The following SLC30A2 variants were observed in gnomAD, a reference collection of about 807,000 sequenced individuals.
SLC30A2 encodes the protein proton-coupled zinc antiporter SLC30A2.
A neutral mutation model predicts 39.6 loss-of-function variants in SLC30A2; 19 were observed. That is an observed-to-expected ratio of 0.48 (90% CI 0.34 to 0.70). The LOEUF (loss-of-function observed/expected upper bound fraction) is 0.70. Ranked by LOEUF, SLC30A2 falls within the 30% of genes least tolerant of loss-of-function variation. The pLI, the probability that SLC30A2 is intolerant of heterozygous loss-of-function variation, is 0.01. For missense variants in SLC30A2, 387 were observed against 479.4 expected, an observed-to-expected ratio of 0.81 and a Z score of 1.80; for synonymous variants, 195 against 194.8, an observed-to-expected ratio of 1.00 and a Z score of -0.01.
chr1:26,045,765 A>G (rs1005047291), intron 1 of SLC30A2, 82 bp downstream of exon 1: 3 of 1,609,408 alleles, frequency 1.9e-6, no homozygotes, highest in Admixed American at 3.4e-5. Flanking sequence ...CGCAGCCAAA[A>G]CCAACCACTG....
At position 26,043,564 on chromosome 1, in the gene SLC30A2, C is replaced by A; in HGVS notation, c.419-13G>T. ...GCTCCCAAGATCTCTGAGGAAGAAC[C>A]CAACCCCAACACCCACCTTGGCATG... On this transcript the variant is annotated splice_polypyrimidine_tract_variant and intron_variant, in intron 3 of 7. Coordinates refer to ENST00000374276, the MANE Select transcript of SLC30A2 (RefSeq NM_001004434.3). 1 of 1,611,940 alleles carries A rather than the reference C, an allele frequency of 6.2e-7. No individual in the cohort carries two copies. Among genetic ancestry groups the A allele is most frequent in the Admixed American group, 1.7e-5 (1 of 59,880 alleles).
rs1360833641 is a variant in SLC30A2 at position 26,042,679 on chromosome 1, T to C, written c.602A>G (p.His201Arg). Reference protein sequence around the residue: ...IMGLTLHQSGHGHSHGTTNQQ... With the variant: ...IMGLTLHQSGRGHSHGTTNQQ... Reference sequence around the variant, plus strand: ...GTTGGTGGTGCCGTGGCTGTGCCCATGGCCAGACTGGTGAAGGGTCAACCC... The same window carrying C: ...GTTGGTGGTGCCGTGGCTGTGCCCACGGCCAGACTGGTGAAGGGTCAACCC... The change falls in exon 5 of 8, where the codon CAT (histidine) becomes CGT (arginine). Residue 201 changes from histidine (H) to arginine (R), a missense_variant. Coordinates refer to ENST00000374276, the MANE Select transcript of SLC30A2 (RefSeq NM_001004434.3). 1.2e-6 allele frequency: 2 copies of C among 1,614,104 alleles called. No homozygotes were observed. Among genetic ancestry groups the C allele is most frequent in the Non-Finnish European group, 1.7e-6 (2 of 1,180,006 alleles).
chr1:26,044,456 A>G lies in SLC30A2; in HGVS notation c.272-12T>C. 1 of 1,612,144 alleles carries G rather than the reference A, an allele frequency of 6.2e-7. No individual in the cohort carries two copies. The highest frequency in any genetic ancestry group is 8.5e-7 in the Non-Finnish European group (1 of 1,179,350). On this transcript the variant is annotated splice_polypyrimidine_tract_variant and intron_variant, in intron 2 of 7. Coordinates refer to ENST00000374276, the MANE Select transcript of SLC30A2 (RefSeq NM_001004434.3). ...TGCCAGGTACCCACCTGCAGGGTGG[A>G]GGGTCCTTATCAGCTCCCCCAGAGA...
chr1:26,042,163 A>G (rs2050405064), intron 5 of SLC30A2, among the ~76,000 whole-genome samples: 1 of 152,230 alleles, frequency 6.6e-6, no homozygotes, highest in Non-Finnish European at 1.5e-5. Context: ...TCACATGGCT[A>G]GCAAGGAGGA....
In SLC30A2 at chr1:26,041,695, G is replaced by GA; in HGVS notation, c.838+4_838+5insT. On this transcript the variant is annotated splice_donor_region_variant and intron_variant, in intron 6 of 7. Coordinates refer to ENST00000374276, the MANE Select transcript of SLC30A2 (RefSeq NM_001004434.3). Reference sequence around the variant, plus strand: ...GCAAAAAGGGAGCCACAAAGCCCAGGTTACCTTCCATCAACACCAGGATCA... The same window carrying GA: ...GCAAAAAGGGAGCCACAAAGCCCAGGATTACCTTCCATCAACACCAGGATCA... 6.3e-7 allele frequency: 1 copy of GA among 1,585,062 alleles called. No homozygotes were observed. Among genetic ancestry groups the GA allele is most frequent in the Non-Finnish European group, 8.7e-7 (1 of 1,153,710 alleles).
intron 4 of SLC30A2, among the ~76,000 whole-genome samples, chr1:26,043,021 C>T (rs557221311): frequency 6.6e-6 from 1 of 152,194 alleles, no homozygotes; most frequent in African/African-American, 2.4e-5. Context: ...TGAACAAAGA[C>T]CCCGAAAGAG....
Position 26,038,014 on chromosome 1 carries a change from AC to A in SLC30A2, c.*1145del, listed in dbSNP as rs1453906915. On this transcript the variant is annotated 3_prime_UTR_variant, in exon 8 of 8. Transcript: ENST00000374276. ...TGGTAAAAGTAACCAATCTTCAACA[AC>A]CACAGGTACTTGGCCAACTGGCTCT... 1 of 152,230 alleles carries A rather than the reference AC, an allele frequency of 6.6e-6. No homozygotes were observed. The highest frequency in any genetic ancestry group is 2.4e-5 in the African/African-American group (1 of 41,436). 9.4% of individuals were successfully genotyped at this position (152,230 alleles called of 1,614,324 possible).
At chr1:26,045,336 G>A (rs2050449299) in intron 1 of SLC30A2, 119 bp from the exon 2 acceptor site, 6 of 780,578 alleles carry the variant, frequency 7.7e-6, no homozygotes, top group African/African-American at 1.7e-5. Flanking sequence ...AGGACGCTCC[G>A]AGCTCGACAA....
chr1:26,037,585 G>A lies in SLC30A2; in HGVS notation c.*1575C>T, dbSNP rs2050354195. 6.6e-6 allele frequency: 1 copy of A among 152,090 alleles called. No individual in the cohort carries two copies. Among genetic ancestry groups the A allele is most frequent in the Non-Finnish European group, 1.5e-5 (1 of 68,058 alleles). The allele number at this position is 152,090 out of a possible 1,614,324, so 9.4% of individuals were successfully genotyped here. A position where few individuals can be genotyped will look rare whatever the true frequency, so the allele number is the denominator to read the frequency against. On this transcript the variant is annotated 3_prime_UTR_variant, in exon 8 of 8. Transcript: ENST00000374276. Reference sequence around the variant, plus strand: ...AGGACTTGGCATACGGCAAAGCCCAGGATCAAGTTCCTGGGGCCTGCCATG... The same window carrying A: ...AGGACTTGGCATACGGCAAAGCCCAAGATCAAGTTCCTGGGGCCTGCCATG...
rs2050373807 is a variant in SLC30A2 at position 26,039,392 on chromosome 1, A to G, written c.974-87T>C. The G allele has an allele frequency of 3.0e-6, 3 of 998,824 alleles. No individual in the cohort carries two copies. Among genetic ancestry groups the G allele is most frequent in the African/African-American group, 3.2e-5 (2 of 62,892 alleles). 61.9% of individuals were successfully genotyped at this position (998,824 alleles called of 1,614,324 possible). On this transcript the variant is annotated intron_variant, in intron 7 of 7. Transcript: ENST00000374276. The surrounding 1 kb of genome is among the most constrained non-coding windows in gnomAD (Gnocchi z 4.3). ...AGCCCAAATCTCATACCCCATCCCC[A>G]GCAGAACAGGATGGGGGACCATGAA...
At chr1:26,040,289 C>T (rs1398168210) in intron 6 of SLC30A2, among the ~76,000 whole-genome samples, 1 of 151,988 alleles carries the variant, frequency 6.6e-6, no homozygotes, top group African/African-American at 2.4e-5. Context: ...TGCTCTGTCA[C>T]CCAGGCTGGA....
chr1:26,039,008 A>C lies in SLC30A2; in HGVS notation c.*152T>G. 6.4e-5 allele frequency: 90 copies of C among 1,405,304 alleles called. No individual in the cohort carries two copies. Among genetic ancestry groups the C allele is most frequent in the East Asian group, 1.8e-4 (7 of 38,644 alleles). The allele number at this position is 1,405,304 out of a possible 1,614,324, so 87.1% of individuals were successfully genotyped here. On this transcript the variant is annotated 3_prime_UTR_variant, in exon 8 of 8. Coordinates refer to ENST00000374276, the MANE Select transcript of SLC30A2 (RefSeq NM_001004434.3). The surrounding 1 kb of genome is among the most constrained non-coding windows in gnomAD (Gnocchi z 4.3). Reference sequence around the variant, plus strand: ...GCTGTAGTCAGATGGGAGGCTGGGAAGAGCTCCATTCCTGGAGTGGGGCAG... The same window carrying C: ...GCTGTAGTCAGATGGGAGGCTGGGACGAGCTCCATTCCTGGAGTGGGGCAG...
rs753021745 is a variant in SLC30A2 at position 26,039,126 on chromosome 1, C to T, written c.*34G>A. ...CACTCAGTCCAGCCACCTGCAGGTC[C>T]TGTTCATGCCCCAGTTGGTGCCTGG... On this transcript the variant is annotated 3_prime_UTR_variant, in exon 8 of 8. Coordinates refer to ENST00000374276, the MANE Select transcript of SLC30A2 (RefSeq NM_001004434.3). This position sits in a 1 kb window ranked among gnomAD's most constrained non-coding sequence, Gnocchi z 4.3. 1.9e-6 allele frequency: 3 copies of T among 1,604,200 alleles called. No homozygotes were observed. Among genetic ancestry groups the T allele is most frequent in the Admixed American group, 1.7e-5 (1 of 59,774 alleles).
chr1:26,043,529 A>G lies in SLC30A2; in HGVS notation c.441T>C (p.Ser147=), dbSNP rs2050424559. 3.7e-6 allele frequency: 6 copies of G among 1,613,960 alleles called. No homozygotes were observed. The highest frequency in any genetic ancestry group is 1.7e-5 in the Admixed American group (1 of 59,998). The change falls in exon 4 of 8, where the codon TCT becomes TCC. Residue 147 remains serine (S), a synonymous_variant. Coordinates refer to ENST00000374276, the MANE Select transcript of SLC30A2 (RefSeq NM_001004434.3). ...CCGTCACGACCCAGATGGACAGTAC[A>G]GAGACCAGGGCTCCCAAGATCTCTG... The part of the protein sequence containing the change: ...QRAEILGALV[S]VLSIWVVTGV...
chr1:26,045,751 A>G, intron 1 of SLC30A2, 96 bp downstream of exon 1: 5 of 1,596,188 alleles, frequency 3.1e-6, no homozygotes, highest in Non-Finnish European at 4.3e-6. Context: ...GTCCCAGCTC[A>G]AGCCGCAGCC....
At chr1:26,040,174 A>G (rs771537608) in intron 6 of SLC30A2, among the ~76,000 whole-genome samples, 6 of 152,226 alleles carry the variant, frequency 3.9e-5, no homozygotes, top group Non-Finnish European at 7.3e-5. Flanking sequence ...TGAGGGCAGG[A>G]CAGTCTCCTT....
Position 26,039,948 on chromosome 1 carries a change from T to C in SLC30A2, c.839-37A>G, listed in dbSNP as rs746634622. ...AAGGACAGGGGAAACTAAAGGAAAC[T>C]ACCCCTCCCACGCCTGCCCATTGGT... On this transcript the variant is annotated intron_variant, in intron 6 of 7. Transcript: ENST00000374276. This position sits in a 1 kb window ranked among gnomAD's most constrained non-coding sequence, Gnocchi z 4.3. 6.2e-7 allele frequency: 1 copy of C among 1,612,530 alleles called. No homozygotes were observed. Among genetic ancestry groups the C allele is most frequent in the Non-Finnish European group, 8.5e-7 (1 of 1,179,062 alleles).
At position 26,042,696 on chromosome 1, in the gene SLC30A2, G is replaced by A. The variant is rs758885798; in HGVS notation, c.585C>T (p.Thr195=). Residue 195 remains threonine (T), a synonymous_variant, in exon 5 of 8, where the codon ACC becomes ACT. Coordinates refer to ENST00000374276, the MANE Select transcript of SLC30A2 (RefSeq NM_001004434.3). ...TGTGCCCATGGCCAGACTGGTGAAGGGTCAACCCCATTCTATGGAAGTGGA... is the reference window on the plus strand; with the variant it reads ...TGTGCCCATGGCCAGACTGGTGAAGAGTCAACCCCATTCTATGGAAGTGGA... ...AVAVNIIMGL[T]LHQSGHGHSH... is the part of the protein sequence containing the mutation. The A allele has an allele frequency of 1.9e-6, 3 of 1,614,062 alleles. No individual in the cohort carries two copies. The highest frequency in any genetic ancestry group is 2.2e-5 in the South Asian group (2 of 91,076).
At position 26,039,633 on chromosome 1, in the gene SLC30A2, A is replaced by G. The variant is rs916538487; in HGVS notation, c.973+144T>C. ...AATGAGATTGTGCTGATCAGATGGAATAATGCGTATCAAGTACTCAGCATG... is the reference window on the plus strand; with the variant it reads ...AATGAGATTGTGCTGATCAGATGGAGTAATGCGTATCAAGTACTCAGCATG... On this transcript the variant is annotated intron_variant, in intron 7 of 7. Coordinates refer to ENST00000374276, the MANE Select transcript of SLC30A2 (RefSeq NM_001004434.3). The surrounding 1 kb of genome is among the most constrained non-coding windows in gnomAD (Gnocchi z 4.3). The G allele has an allele frequency of 2.5e-5, 20 of 808,310 alleles. No homozygotes were observed. The highest frequency in any genetic ancestry group is 3.9e-5 in the Non-Finnish European group (20 of 510,964). 50.1% of individuals were successfully genotyped at this position (808,310 alleles called of 1,614,324 possible). A position where few individuals can be genotyped will look rare whatever the true frequency, so the allele number is the denominator to read the frequency against.
Sources: gnomAD v4.1 joint callset for allele counts (sites outside exome capture counted in the v4.1 genomes callset) on GRCh38, gnomAD v4.1.1 for gene constraint, Gnocchi (gnomAD v3.1) non-coding constraint, MANE v1.5 for transcripts, NCBI Gene and HGNC (gene_info 2026-07-23, HGNC 2026-07-21) for gene names.